The following IL1RAPL1 variants were observed in gnomAD, a reference collection of about 807,000 sequenced individuals.
IL1RAPL1 encodes interleukin 1 receptor accessory protein like 1, also known as interleukin-1 receptor accessory protein-like 1.
IL1RAPL1 carries 3 observed loss-of-function variants against 48.4 expected under a neutral mutation model. The ratio of observed to expected loss-of-function variants is 0.06; its 90% CI spans 0.03 to 0.16. The LOEUF (loss-of-function observed/expected upper bound fraction) is 0.16, where lower values mean the gene tolerates loss of function less well. Among genes scored for constraint, IL1RAPL1 ranks in the 10% least tolerant of loss-of-function variants. The pLI is 1.00. For missense variants in IL1RAPL1, 349 were observed against 530.6 expected (o/e 0.66, Z 3.36); for synonymous variants, 185 against 187.7 (o/e 0.99, Z 0.12).
chrX:29,413,575 G>A lies in IL1RAPL1; in HGVS notation c.703+14267G>A, dbSNP rs756537086. Among the ~76,000 whole-genome samples the A allele has an allele frequency of 7.7e-3, 774 of 99,956 alleles. 11 individuals carry two copies. Among genetic ancestry groups the A allele is most frequent in the African/African-American group, 0.028 (730 of 26,456 alleles). 86.8% of individuals were successfully genotyped at this position (99,956 alleles called of 115,157 possible). A position where few individuals can be genotyped will look rare whatever the true frequency, so the allele number is the denominator to read the frequency against. The stretch of plus-strand genomic sequence containing the variant: ...TGTGTCCATGTGTTCTCGTTGTTCA[G>A]TTCCCACCTATGAGTGAGAACATGC... On this transcript the variant is annotated intron_variant, in intron 5 of 10. Transcript: ENST00000378993.
chrX:29,771,471 A>T (rs1929063490), intron 6 of IL1RAPL1, among the ~76,000 whole-genome samples: 1 of 112,249 alleles, frequency 8.9e-6, no homozygotes, highest in Non-Finnish European at 1.9e-5. Context: ...CATTACTGGA[A>T]GGAAAGTATG....
Position 28,912,389 on chromosome X carries a change from CAGTT to C in IL1RAPL1, c.82+122967_82+122970del, listed in dbSNP as rs757390215. On this transcript the variant is annotated intron_variant, in intron 2 of 10. Coordinates refer to ENST00000378993, the MANE Select transcript of IL1RAPL1 (RefSeq NM_014271.4). Reference sequence around the variant, plus strand: ...GTTAAGAAACTTGCTTAAAGTCAAACAGTTAGGATGTGGCAGAATTTGGATTTTA... The same window carrying C: ...GTTAAGAAACTTGCTTAAAGTCAAACAGGATGTGGCAGAATTTGGATTTTA... Among the ~76,000 whole-genome samples, 12 of 110,691 alleles carry C rather than the reference CAGTT, an allele frequency of 1.1e-4. No homozygotes were observed. In the East Asian group the frequency reaches 2.3e-3, roughly 21 times the overall value.
At position 29,580,836 on chromosome X, in the gene IL1RAPL1, T is replaced by A. The variant is rs755891356; in HGVS notation, c.704-87594T>A. On this transcript the variant is annotated intron_variant, in intron 5 of 10. Coordinates refer to ENST00000378993, the MANE Select transcript of IL1RAPL1 (RefSeq NM_014271.4). ...ATGCAAATATACCTTTATTGACTTATAACAGATGACAGCAATTCCATTTTC... is the reference window on the plus strand; with the variant it reads ...ATGCAAATATACCTTTATTGACTTAAAACAGATGACAGCAATTCCATTTTC... 3.6e-5 allele frequency among the ~76,000 whole-genome samples: 4 copies of A among 112,354 alleles called. No individual in the cohort carries two copies. The East Asian group carries it at 8.4e-4, about 24-fold the overall frequency.
At chrX:28,631,499 A>G (rs1042373607) in intron 1 of IL1RAPL1, among the ~76,000 whole-genome samples, 1 of 112,586 alleles carries the variant, frequency 8.9e-6, no homozygotes, top group Non-Finnish European at 1.9e-5. Context: ...GAGCATATGC[A>G]CAACACAATC....
chrX:29,640,152 T>C (rs1925120973), intron 5 of IL1RAPL1, among the ~76,000 whole-genome samples: 1 of 112,445 alleles, frequency 8.9e-6, no homozygotes, highest in Non-Finnish European at 1.9e-5. Flanking sequence ...GTCAGAAAGA[T>C]TGATTCCTGA....
intron 2 of IL1RAPL1, among the ~76,000 whole-genome samples, chrX:29,202,776 T>C (rs1287053518): frequency 8.9e-6 from 1 of 111,803 alleles, no homozygotes. Flanking sequence ...CCAAATACTA[T>C]GTGTTCTGAC....
At chrX:29,245,775 T>A (rs1931500648) in intron 2 of IL1RAPL1, among the ~76,000 whole-genome samples, 1 of 111,720 alleles carries the variant, frequency 9.0e-6, no homozygotes, top group Non-Finnish European at 1.9e-5. Flanking sequence ...AGCTTTTTAG[T>A]TTAATTAGCT....
chrX:29,051,055 A>G (rs756221097), intron 2 of IL1RAPL1, among the ~76,000 whole-genome samples: 1 of 112,436 alleles, frequency 8.9e-6, no homozygotes, highest in Non-Finnish European at 1.9e-5. Context: ...GACTGTGTCT[A>G]CACAGATACT....
At chrX:29,377,204 A>G (rs1438403813) in intron 3 of IL1RAPL1, among the ~76,000 whole-genome samples, 1 of 112,114 alleles carries the variant, frequency 8.9e-6, no homozygotes, top group African/African-American at 3.2e-5. Context: ...TTCTGTTTGC[A>G]TGGTAACTCT....
intron 5 of IL1RAPL1, among the ~76,000 whole-genome samples, chrX:29,624,722 T>A (rs2147076258): frequency 9.1e-6 from 1 of 109,544 alleles, no homozygotes; most frequent in East Asian, 2.9e-4. Context: ...GCTACATGCC[T>A]GTAGTCCCAG....
rs188442220 is a variant in IL1RAPL1 at position 29,449,617 on chromosome X, C to T, written c.703+50309C>T. On this transcript the variant is annotated intron_variant, in intron 5 of 10. Coordinates refer to ENST00000378993, the MANE Select transcript of IL1RAPL1 (RefSeq NM_014271.4). ...AAGTCTTTGAAATCTATATTGGGCA[C>T]GCTGAGTAAAGTGCATCTTTTTTCT... Among the ~76,000 whole-genome samples, 71 of 109,732 alleles carry T rather than the reference C, an allele frequency of 6.5e-4. No homozygotes were observed. In the East Asian group the frequency reaches 0.019, roughly 29 times the overall value.
At chrX:28,915,675 T>C (rs188527647) in intron 2 of IL1RAPL1, among the ~76,000 whole-genome samples, 39 of 111,281 alleles carry the variant, frequency 3.5e-4, no homozygotes, top group African/African-American at 1.1e-3. Context: ...CTGTTATTTT[T>C]TTACACCATG....
chrX:29,638,611 A>C (rs1232857231), intron 5 of IL1RAPL1, among the ~76,000 whole-genome samples: 1 of 111,847 alleles, frequency 8.9e-6, no homozygotes, highest in Non-Finnish European at 1.9e-5. Flanking sequence ...CAGTTGAACA[A>C]TGCCCAACTT....
At chrX:29,359,034 C>A (rs1320189817) in intron 3 of IL1RAPL1, among the ~76,000 whole-genome samples, 1 of 109,376 alleles carries the variant, frequency 9.1e-6, no homozygotes, top group Non-Finnish European at 1.9e-5. Flanking sequence ...AAAAAAAAAA[C>A]AACAATGTAA....
chrX:28,651,342 C>T (rs1005239122), intron 1 of IL1RAPL1, among the ~76,000 whole-genome samples: 9 of 112,199 alleles, frequency 8.0e-5, no homozygotes, highest in African/African-American at 2.6e-4. Context: ...CACAGCCACA[C>T]CCATTTGTTT....
intron 5 of IL1RAPL1, among the ~76,000 whole-genome samples, chrX:29,644,466 A>G (rs964762993): frequency 9.0e-6 from 1 of 111,418 alleles, no homozygotes; most frequent in Non-Finnish European, 1.9e-5. Context: ...TATCTGTTCT[A>G]TCTTTTAACT....
At chrX:29,918,672 C>T (rs757628047) in intron 7 of IL1RAPL1, among the ~76,000 whole-genome samples, 1 of 111,053 alleles carries the variant, frequency 9.0e-6, no homozygotes, top group South Asian at 3.8e-4. Flanking sequence ...ATGTGTTTAT[C>T]GCCTTTCTTA....
intron 2 of IL1RAPL1, among the ~76,000 whole-genome samples, chrX:29,038,778 A>C (rs1054118147): frequency 4.5e-5 from 5 of 111,653 alleles, no homozygotes; most frequent in African/African-American, 1.6e-4. Flanking sequence ...AAGTACATTC[A>C]TTTATTAACC....
chrX:29,205,503 C>T (rs1158964473), intron 2 of IL1RAPL1, among the ~76,000 whole-genome samples: 1 of 110,458 alleles, frequency 9.1e-6, no homozygotes. Flanking sequence ...ATTCTGGATT[C>T]AGAGTTCATG....
Sources: allele counts gnomAD v4.1 joint callset (sites outside exome capture counted in the v4.1 genomes callset), GRCh38; gene constraint gnomAD v4.1.1; transcripts MANE v1.5; gene names NCBI Gene and HGNC (gene_info 2026-07-23, HGNC 2026-07-21).